Variants in TMEM45A observed in about 807,000 individuals in gnomAD.
TMEM45A encodes the protein transmembrane protein 45A.
Under a neutral mutation model 32.0 loss-of-function variants are expected in TMEM45A, and 25 were observed. The ratio of observed to expected loss-of-function variants is 0.78; its 90% CI spans 0.57 to 1.09. The LOEUF (loss-of-function observed/expected upper bound fraction) is 1.09, where lower values mean the gene tolerates loss of function less well. Ranked by LOEUF, TMEM45A falls within the 50% of genes least tolerant of loss-of-function variation. TMEM45A has a pLI of 0.00. For missense variants in TMEM45A, 302 were observed against 325.0 expected (o/e 0.93, Z 0.54); for synonymous variants, 122 against 114.8 (o/e 1.06, Z -0.40).
At chr3:100,552,819 G>C (rs72917805) in intron 1 of TMEM45A, among the ~76,000 whole-genome samples, 8,911 of 152,178 alleles carry the variant, frequency 0.059, 903 homozygotes, top group African/African-American at 0.2. Context: ...AGCCAGTGGG[G>C]AATAGAAAGA....
At chr3:100,556,615 C>T (rs867254160) in intron 2 of TMEM45A, 145 bp from the exon 3 acceptor site, 1 of 777,766 alleles carries the variant, frequency 1.3e-6, no homozygotes, top group Middle Eastern at 3.4e-4. Context: ...AGTGCCAGTG[C>T]TCAGCTGTTA....
chr3:100,496,290 A>G (rs558592046), intron 1 of TMEM45A, among the ~76,000 whole-genome samples: 2 of 152,310 alleles, frequency 1.3e-5, no homozygotes, highest in South Asian at 2.1e-4. Context: ...TGATCACTTA[A>G]TACATGGAGA....
At chr3:100,559,727 A>G (rs996348474) in intron 4 of TMEM45A, among the ~76,000 whole-genome samples, 1 of 152,144 alleles carries the variant, frequency 6.6e-6, no homozygotes, top group African/African-American at 2.4e-5. Flanking sequence ...TCTGGTTAAG[A>G]TGACTTCTGG....
rs780034467 is a variant in TMEM45A at position 100,556,941 on chromosome 3, G to C, written c.372G>C (p.Lys124Asn). The C allele has an allele frequency of 2.5e-6, 4 of 1,614,176 alleles. No homozygotes were observed. The South Asian group carries it at 4.4e-5, about 18-fold the overall frequency. ...GTTCACTTCCTGTGTCCTTAACCAA[G>C]TTAATGTTGTCAAATGCCTTATTTG... is the stretch of plus-strand genomic sequence containing the variant. The part of the protein sequence containing the change: ...TISSLPVSLT[K>N]LMLSNALFVE... The change falls in exon 3 of 6, where the codon AAG (lysine) becomes AAC (asparagine). Residue 124 changes from lysine to asparagine, a missense_variant. By Grantham distance (94) the Lys-to-Asn change is moderately conservative. Transcript: ENST00000323523.
intron 1 of TMEM45A, among the ~76,000 whole-genome samples, chr3:100,509,290 C>A (rs1708121089): frequency 6.6e-6 from 1 of 152,140 alleles, no homozygotes; most frequent in South Asian, 2.1e-4. Flanking sequence ...GTAATAAATG[C>A]TGGCAAGGAC....
chr3:100,539,432 G>GATATGTATATGCATATGC lies in TMEM45A; in HGVS notation c.-3-15766_-3-15765insCATATGCATATGTATATG, dbSNP rs1553682654. Among the ~76,000 whole-genome samples the GATATGTATATGCATATGC allele has an allele frequency of 3.1e-3, 256 of 82,966 alleles. 2 individuals are homozygous for GATATGTATATGCATATGC. The highest frequency in any genetic ancestry group is 9.7e-3 in the African/African-American group (243 of 25,100). 54.4% of individuals were successfully genotyped at this position (82,966 alleles called of 152,430 possible). A position where few individuals can be genotyped will look rare whatever the true frequency, so the allele number is the denominator to read the frequency against. ...TCTCCAGAGAAACAGAACCCAATAG[G>GATATGTATATGCATATGC]ATATGTATATGTATATGTATATGTA... On this transcript the variant is annotated intron_variant, in intron 1 of 5. Coordinates refer to ENST00000323523, the MANE Select transcript of TMEM45A (RefSeq NM_018004.3).
At chr3:100,509,546 A>G (rs1249643592) in intron 1 of TMEM45A, among the ~76,000 whole-genome samples, 1 of 152,238 alleles carries the variant, frequency 6.6e-6, no homozygotes, top group Non-Finnish European at 1.5e-5. Context: ...GTGTCTATCA[A>G]TGAATGAATG....
intron 1 of TMEM45A, among the ~76,000 whole-genome samples, chr3:100,533,252 A>C (rs144462247): frequency 6.6e-6 from 1 of 152,226 alleles, no homozygotes; most frequent in East Asian, 1.9e-4. Context: ...AAGAAAAAAA[A>C]AAGATTCCCA....
Position 100,516,596 on chromosome 3 carries a change from C to A in TMEM45A, c.-4+23668C>A, listed in dbSNP as rs191653204. 2.0e-5 allele frequency among the ~76,000 whole-genome samples: 3 copies of A among 152,274 alleles called. No individual in the cohort carries two copies. The East Asian group carries it at 5.8e-4, about 29-fold the overall frequency. On this transcript the variant is annotated intron_variant, in intron 1 of 5. Coordinates refer to ENST00000323523, the MANE Select transcript of TMEM45A (RefSeq NM_018004.3). ...CTTCCCTTTATTTCCTTCCTTTTCT[C>A]CCCAGACTCATGATTGCCTTTCTGT...
At chr3:100,553,721 G>T (rs76052923) in intron 1 of TMEM45A, among the ~76,000 whole-genome samples, 14,672 of 152,150 alleles carry the variant, frequency 0.096, 2,380 homozygotes, top group African/African-American at 0.33. Context: ...GGCTTAGAAA[G>T]GTTAAGAAAC....
At position 100,492,647 on chromosome 3, in the gene TMEM45A, C is replaced by T. The variant is rs1231523283; in HGVS notation, c.-285C>T. 1 of 152,270 alleles carries T rather than the reference C, an allele frequency of 6.6e-6. No individual in the cohort carries two copies. The highest frequency in any genetic ancestry group is 2.4e-5 in the African/African-American group (1 of 41,470). The allele number at this position is 152,270 out of a possible 1,614,324, so 9.4% of individuals were successfully genotyped here. A position where few individuals can be genotyped will look rare whatever the true frequency, so the allele number is the denominator to read the frequency against. On this transcript the variant is annotated 5_prime_UTR_variant, in exon 1 of 6. Transcript: ENST00000323523. ...GCACATCTGGACAGCTGTGCGGCCT[C>T]CTCGCGGGCCGACGTCAGCCGAGCA...
chr3:100,576,791 A>C (rs1706697450), intron 5 of TMEM45A, 134 bp from the exon 6 acceptor site: 1 of 725,214 alleles, frequency 1.4e-6, no homozygotes, highest in Non-Finnish European at 2.4e-6. Flanking sequence ...AAGCCAAATA[A>C]AAGTAATTTT....
chr3:100,529,592 C>T (rs7627378), intron 1 of TMEM45A, among the ~76,000 whole-genome samples: 19,066 of 152,002 alleles, frequency 0.13, 1,808 homozygotes, highest in African/African-American at 0.24. Flanking sequence ...GTCTTGGAGT[C>T]AAAACCTCAG....
intron 1 of TMEM45A, among the ~76,000 whole-genome samples, chr3:100,529,768 G>A (rs935824060): frequency 5.3e-5 from 8 of 151,950 alleles, no homozygotes; most frequent in Non-Finnish European, 1.2e-4. Flanking sequence ...CTACAGGCAC[G>A]TGCCATTATG....
intron 1 of TMEM45A, among the ~76,000 whole-genome samples, chr3:100,498,628 G>C (rs73152126): frequency 6.6e-6 from 1 of 151,778 alleles, no homozygotes; most frequent in Non-Finnish European, 1.5e-5. Context: ...TGGAGAACCC[G>C]GGCCTCTAAT....
intron 4 of TMEM45A, 48 bp downstream of exon 4, chr3:100,558,637 T>C (rs1559651090): frequency 6.3e-7 from 1 of 1,578,210 alleles, no homozygotes; most frequent in South Asian, 1.1e-5. Context: ...TGCCTGTAAC[T>C]TCTCTGTTTA....
chr3:100,519,612 A>G (rs1439795730), intron 1 of TMEM45A: 1 of 1,550,916 alleles, frequency 6.4e-7, no homozygotes, highest in Admixed American at 2.0e-5. Context: ...CCCAAAGGTT[A>G]GTTTGGCGTT....
intron 1 of TMEM45A, among the ~76,000 whole-genome samples, chr3:100,541,524 C>CTTTTT (rs61341173): frequency 1.2e-4 from 13 of 111,270 alleles, no homozygotes; most frequent in East Asian, 2.3e-4. Context: ...CTTTTCTTTC[C>CTTTTT]TTTTTTTTTT....
intron 1 of TMEM45A, among the ~76,000 whole-genome samples, chr3:100,498,813 T>C (rs1029582708): frequency 6.6e-6 from 1 of 152,230 alleles, no homozygotes. Context: ...TCACAGCAGC[T>C]GCACCATTTT....
Sources: gnomAD v4.1 joint callset for allele counts (sites outside exome capture counted in the v4.1 genomes callset) on GRCh38, gnomAD v4.1.1 for gene constraint, MANE v1.5 for transcripts, NCBI Gene and HGNC (gene_info 2026-07-23, HGNC 2026-07-21) for gene names.